The following RPGRIP1 variants were observed in gnomAD, a reference collection of about 807,000 sequenced individuals.
RPGRIP1 encodes the protein RPGR interacting protein 1, also known as X-linked retinitis pigmentosa GTPase regulator-interacting protein 1.
A neutral mutation model predicts 157.9 loss-of-function variants in RPGRIP1; 128 were observed. That is an observed-to-expected ratio of 0.81 (90% CI 0.70 to 0.94). The LOEUF (loss-of-function observed/expected upper bound fraction) is 0.94, where lower values mean the gene tolerates loss of function less well. Among genes scored for constraint, RPGRIP1 ranks in the 40% least tolerant of loss-of-function variants. RPGRIP1 has a pLI of 0.00. For synonymous variants in RPGRIP1, 554 were observed against 571.6 expected (o/e 0.97, Z 0.44); for missense variants, 1,486 against 1,545.8 (o/e 0.96, Z 0.65).
chr14:21,288,751 T>A (rs953376196), intron 2 of RPGRIP1, among the ~76,000 whole-genome samples: 3 of 151,472 alleles, frequency 2.0e-5, no homozygotes, highest in Admixed American at 6.6e-5. Flanking sequence ...TGACCTCAAG[T>A]GATCCGCCTG....
intron 2 of RPGRIP1, among the ~76,000 whole-genome samples, chr14:21,293,804 G>C (rs1045458979): frequency 7.9e-5 from 12 of 152,110 alleles, no homozygotes; most frequent in African/African-American, 2.9e-4. Flanking sequence ...GTGTGGACCT[G>C]GGAAGCGGAG....
chr14:21,314,106 C>T (rs1436904819), intron 10 of RPGRIP1, among the ~76,000 whole-genome samples: 1 of 152,022 alleles, frequency 6.6e-6, no homozygotes, highest in African/African-American at 2.4e-5. Flanking sequence ...CACCACCATG[C>T]CTGGCTAATT....
At chr14:21,337,739 G>A (rs535854270) in intron 21 of RPGRIP1, among the ~76,000 whole-genome samples, 142 of 148,328 alleles carry the variant, frequency 9.6e-4, no homozygotes, top group Non-Finnish European at 1.7e-3. Flanking sequence ...CACTGCGCCC[G>A]GCCTAGGTTA....
intron 2 of RPGRIP1, among the ~76,000 whole-genome samples, chr14:21,291,347 A>G (rs1880520305): frequency 6.6e-6 from 1 of 152,192 alleles, no homozygotes; most frequent in Non-Finnish European, 1.5e-5. Flanking sequence ...AGTGATAGGA[A>G]ACCGTTGTTC....
At chr14:21,303,068 C>A (rs1441693798) in intron 5 of RPGRIP1, 2 of 343,170 alleles carry the variant, frequency 5.8e-6, no homozygotes, top group African/African-American at 4.3e-5. Flanking sequence ...CAGGGTTTCA[C>A]TATGTTGGCC....
intron 11 of RPGRIP1, 157 bp downstream of exon 11, chr14:21,318,007 A>T (rs1442901870): frequency 1.1e-5 from 8 of 710,914 alleles, no homozygotes; most frequent in Non-Finnish European, 2.0e-5. Flanking sequence ...AATAGATCAG[A>T]TCTACAATCA....
intron 16 of RPGRIP1, 21 bp from the exon 17 acceptor site, chr14:21,325,810 C>G: frequency 1.3e-6 from 2 of 1,585,092 alleles, no homozygotes; most frequent in Non-Finnish European, 1.7e-6. Flanking sequence ...TTTCCTCAAT[C>G]CATGACCAAC....
At chr14:21,337,939 C>T (rs564048956) in intron 21 of RPGRIP1, among the ~76,000 whole-genome samples, 1 of 149,424 alleles carries the variant, frequency 6.7e-6, no homozygotes, top group African/African-American at 2.5e-5. Context: ...TGTTTTGAGA[C>T]CTAGTCTTGC....
intron 10 of RPGRIP1, among the ~76,000 whole-genome samples, chr14:21,313,406 A>C (rs964497014): frequency 6.6e-6 from 1 of 152,106 alleles, no homozygotes; most frequent in African/African-American, 2.4e-5. Context: ...AACAAAAACA[A>C]ATAAACAAAT....
At chr14:21,345,967 A>C (rs1885526903) in intron 23 of RPGRIP1, among the ~76,000 whole-genome samples, 1 of 151,742 alleles carries the variant, frequency 6.6e-6, no homozygotes, top group Non-Finnish European at 1.5e-5. Context: ...TGACAGGTGC[A>C]CGCCACTTGC....
intron 17 of RPGRIP1, among the ~76,000 whole-genome samples, 200 bp downstream of exon 17, chr14:21,326,373 T>C (rs189687080): frequency 6.6e-6 from 1 of 152,310 alleles, no homozygotes; most frequent in Admixed American, 6.5e-5. Context: ...TTCTTCTGCT[T>C]CTTTTCAGCC....
intron 24 of RPGRIP1, among the ~76,000 whole-genome samples, chr14:21,349,068 ATTTTTTT>A (rs397709409): frequency 1.8e-5 from 2 of 113,424 alleles, no homozygotes; most frequent in East Asian, 5.2e-4. Context: ...CCTTACTACA[ATTTTTTT>A]TTTTTTTTTT....
chr14:21,305,363 C>A (rs934856124), intron 6 of RPGRIP1, among the ~76,000 whole-genome samples: 8 of 152,132 alleles, frequency 5.3e-5, no homozygotes, highest in African/African-American at 1.9e-4. Context: ...AAGCTTGCTC[C>A]ATGTCTTTTA....
Position 21,300,912 on chromosome 14 carries a change from G to A in RPGRIP1, c.219-54G>A, listed in dbSNP as rs28390343. 622 of 1,582,126 alleles carry A rather than the reference G, an allele frequency of 3.9e-4. 2 individuals are homozygous for A. The African/African-American group carries it at 7.9e-3, about 20-fold the overall frequency. ...CGTGATTATATGTCCCAAATAACCC[G>A]TAGAAATAATAACTGTCATGAAAGG... is the stretch of plus-strand genomic sequence containing the variant. On this transcript the variant is annotated intron_variant, in intron 3 of 24. Transcript: ENST00000400017.
At chr14:21,327,040 A>G (rs1034712182) in intron 17 of RPGRIP1, among the ~76,000 whole-genome samples, 1 of 152,156 alleles carries the variant, frequency 6.6e-6, no homozygotes, top group Non-Finnish European at 1.5e-5. Context: ...AGCTGCAGTC[A>G]GAAACAACCA....
At chr14:21,337,745 G>A (rs55724409) in intron 21 of RPGRIP1, among the ~76,000 whole-genome samples, 24,669 of 144,274 alleles carry the variant, frequency 0.17, 2,568 homozygotes, top group African/African-American at 0.28. Context: ...GCCCGGCCTA[G>A]GTTAAGCATT....
intron 2 of RPGRIP1, 85 bp downstream of exon 2, chr14:21,288,146 G>A: frequency 2.5e-6 from 2 of 809,212 alleles, no homozygotes; most frequent in Non-Finnish European, 4.2e-6. Context: ...CACAGAGACT[G>A]ATTTACTTTC....
chr14:21,300,872 T>C, intron 3 of RPGRIP1, 94 bp from the exon 4 acceptor site: 1 of 1,393,446 alleles, frequency 7.2e-7, no homozygotes, highest in Middle Eastern at 1.8e-4. Flanking sequence ...GATGAATACA[T>C]ATTATAGATC....
At chr14:21,350,787 T>G (rs541145968) in intron 24 of RPGRIP1, among the ~76,000 whole-genome samples, 52 of 152,298 alleles carry the variant, frequency 3.4e-4, no homozygotes, top group African/African-American at 1.2e-3. Flanking sequence ...AAACATGCTA[T>G]GTTCTTCCTG....
Sources: gnomAD v4.1 joint callset for allele counts (sites outside exome capture counted in the v4.1 genomes callset) on GRCh38, gnomAD v4.1.1 for gene constraint, MANE v1.5 for transcripts, NCBI Gene and HGNC (gene_info 2026-07-23, HGNC 2026-07-21) for gene names.